The following ARHGEF6 variants were observed in gnomAD, a reference collection of about 807,000 sequenced individuals.
ARHGEF6 encodes Rac/Cdc42 guanine nucleotide exchange factor 6.
Under a neutral mutation model 70.3 loss-of-function variants are expected in ARHGEF6, and 9 were observed. That is an observed-to-expected ratio of 0.13 (90% CI 0.08 to 0.22). The LOEUF is 0.22. ARHGEF6 is among the 10% of genes least tolerant of loss of function. The pLI, the probability that ARHGEF6 is intolerant of heterozygous loss-of-function variation, is 1.00. For missense variants in ARHGEF6, 470 were observed against 563.0 expected (o/e 0.83, Z 1.67); for synonymous variants, 201 against 207.8 (o/e 0.97, Z 0.28).
At chrX:136,671,501 G>T (rs777689972) in intron 20 of ARHGEF6, among the ~76,000 whole-genome samples, 1 of 112,360 alleles carries the variant, frequency 8.9e-6, no homozygotes, top group East Asian at 2.8e-4. Flanking sequence ...CTGTGTAAAG[G>T]TAAGTCAGAG....
intron 12 of ARHGEF6, among the ~76,000 whole-genome samples, chrX:136,684,588 C>T (rs1232075079): frequency 1.8e-5 from 2 of 109,556 alleles, no homozygotes; most frequent in Non-Finnish European, 3.8e-5. Context: ...TGGATATTTA[C>T]TTCCTAGGAA....
intron 2 of ARHGEF6, chrX:136,767,662 A>AG (rs770292863): frequency 2.0e-5 from 15 of 752,573 alleles, no homozygotes; most frequent in Non-Finnish European, 2.3e-5. Context: ...CGGGGGAGCC[A>AG]GCCCGCGAAG....
chrX:136,703,016 G>A (rs2076591183), intron 9 of ARHGEF6, among the ~76,000 whole-genome samples: 1 of 111,341 alleles, frequency 9.0e-6, no homozygotes, highest in Non-Finnish European at 1.9e-5. Context: ...TCAACAAATG[G>A]TGCTGGGACA....
At chrX:136,686,709 C>CATATATATATATATATAT (rs35706788) in intron 11 of ARHGEF6, among the ~76,000 whole-genome samples, 1 of 63,141 alleles carries the variant, frequency 1.6e-5, no homozygotes, top group African/African-American at 5.9e-5. Context: ...TATATATATA[C>CATATATATATATATATAT]ATATATATAT....
rs1466675036 is a variant in ARHGEF6 at position 136,681,917 on chromosome X, C to T, written c.1531G>A (p.Gly511Arg). 1 of 1,207,794 alleles carries T rather than the reference C, an allele frequency of 8.3e-7. No homozygotes were observed. The highest frequency in any genetic ancestry group is 1.1e-6 in the Non-Finnish European group (1 of 893,326). ...TVVTRLDEIE[G>R]NDCTFEITGN... is the part of the protein sequence containing the mutation. ...GTGATTTCAAATGTGCAGTCATTCC[C>T]TTCAATTTCATCTAATCTAGTCACC... Residue 511 changes from glycine (G) to arginine (R), a missense_variant, in exon 14 of 22, where the codon GGG (glycine) becomes AGG (arginine). Transcript: ENST00000250617.
intron 2 of ARHGEF6, among the ~76,000 whole-genome samples, chrX:136,769,004 G>C (rs756893963): frequency 9.1e-6 from 1 of 109,412 alleles, no homozygotes; most frequent in African/African-American, 3.3e-5. Context: ...GAGTAAGAGA[G>C]GGGGAAAGAG....
At chrX:136,703,592 G>A (rs1330094558) in intron 9 of ARHGEF6, among the ~76,000 whole-genome samples, 1 of 112,000 alleles carries the variant, frequency 8.9e-6, no homozygotes, top group Non-Finnish European at 1.9e-5. Context: ...GCGCAATCTC[G>A]GCTCACGGCA....
intron 6 of ARHGEF6, among the ~76,000 whole-genome samples, chrX:136,719,004 T>TAAAAAA (rs35347859): frequency 1.7e-5 from 1 of 60,171 alleles, no homozygotes; most frequent in African/African-American, 5.8e-5. Flanking sequence ...TAATACTTGG[T>TAAAAAA]AAAAAAAAAA....
chrX:136,722,899 G>A (rs1451666119), intron 6 of ARHGEF6, among the ~76,000 whole-genome samples: 1 of 112,316 alleles, frequency 8.9e-6, no homozygotes, highest in African/African-American at 3.2e-5. Flanking sequence ...GCAACCCAAA[G>A]TCCATCAACT....
chrX:136,680,868 C>T lies in ARHGEF6; in HGVS notation c.1567G>A (p.Val523Met). 8.3e-7 allele frequency: 1 copy of T among 1,211,766 alleles called. No homozygotes were observed. The highest frequency in any genetic ancestry group is 2.3e-4 in the Middle Eastern group (1 of 4,355). The change falls in exon 15 of 22, where the codon GTG (valine) becomes ATG (methionine). Residue 523 changes from valine to methionine, a missense_variant. Coordinates refer to ENST00000250617, the MANE Select transcript of ARHGEF6 (RefSeq NM_004840.3). ...TTACAATGGACCACAATTCTCTCCACTGTGTTACCTACATCCCCCAATTAT... is the reference window on the plus strand; with the variant it reads ...TTACAATGGACCACAATTCTCTCCATTGTGTTACCTACATCCCCCAATTAT... The part of the protein sequence containing the change: ...DCTFEITGNT[V>M]ERIVVHCNNN...
At chrX:136,674,288 G>A (rs1305941240) in intron 19 of ARHGEF6, among the ~76,000 whole-genome samples, 2 of 112,656 alleles carry the variant, frequency 1.8e-5, no homozygotes, top group Middle Eastern at 4.7e-3. Flanking sequence ...GAGTACTATG[G>A]AGTATTCATT....
At chrX:136,732,021 C>A in intron 6 of ARHGEF6, 81 bp downstream of exon 6, 1 of 779,442 alleles carries the variant, frequency 1.3e-6, no homozygotes, top group Non-Finnish European at 1.9e-6. Context: ...CTTTGTGTCA[C>A]CTCAACACAT....
intron 9 of ARHGEF6, among the ~76,000 whole-genome samples, chrX:136,706,517 C>G (rs1289414590): frequency 8.9e-6 from 1 of 111,964 alleles, no homozygotes; most frequent in Non-Finnish European, 1.9e-5. Flanking sequence ...AAAGCCCTCC[C>G]TGACCCTTTC....
chrX:136,702,260 G>C, intron 9 of ARHGEF6, among the ~76,000 whole-genome samples: 1 of 111,303 alleles, frequency 9.0e-6, no homozygotes, highest in East Asian at 2.8e-4. Context: ...TTTTTAAAGG[G>C]AGTATTATAT....
Position 136,667,872 on chromosome X carries a change from G to T in ARHGEF6, c.*157C>A. ...CGCGCACGTGCACGCACACACATAT[G>T]CACACAGCGGGGAGAGAAAGAGAAG... On this transcript the variant is annotated 3_prime_UTR_variant, in exon 22 of 22. Coordinates refer to ENST00000250617, the MANE Select transcript of ARHGEF6 (RefSeq NM_004840.3). 7 of 715,925 alleles carry T rather than the reference G, an allele frequency of 9.8e-6. No individual in the cohort carries two copies. Among genetic ancestry groups the T allele is most frequent in the Non-Finnish European group, 1.3e-5 (6 of 470,723 alleles). The allele number at this position is 715,925 out of a possible 1,213,427, so 59.0% of individuals were successfully genotyped here.
intron 5 of ARHGEF6, among the ~76,000 whole-genome samples, chrX:136,740,807 T>C (rs1277980648): frequency 9.0e-6 from 1 of 111,692 alleles, no homozygotes; most frequent in Non-Finnish European, 1.9e-5. Context: ...TCCTTTTAGT[T>C]TTGCAGATAA....
At chrX:136,691,045 G>T (rs989565052) in intron 9 of ARHGEF6, among the ~76,000 whole-genome samples, 2 of 109,576 alleles carry the variant, frequency 1.8e-5, no homozygotes, top group African/African-American at 6.7e-5. Context: ...CTCTGATGGG[G>T]CTACAGCAGT....
intron 5 of ARHGEF6, among the ~76,000 whole-genome samples, chrX:136,742,068 C>G (rs2077047982): frequency 8.9e-6 from 1 of 112,046 alleles, no homozygotes; most frequent in Admixed American, 9.4e-5. Flanking sequence ...CGCCTGTAAT[C>G]CCAGCACTTT....
intron 20 of ARHGEF6, among the ~76,000 whole-genome samples, chrX:136,670,838 A>G (rs2076218202): frequency 9.0e-6 from 1 of 110,900 alleles, no homozygotes. Flanking sequence ...CAAAAAAGTA[A>G]TTTTTTGGTA....
Sources: gnomAD v4.1 joint callset for allele counts (sites outside exome capture counted in the v4.1 genomes callset) on GRCh38, gnomAD v4.1.1 for gene constraint, MANE v1.5 for transcripts, NCBI Gene and HGNC (gene_info 2026-07-23, HGNC 2026-07-21) for gene names.